ABLIM2: variants seen among roughly 807,000 people sequenced by gnomAD.
ABLIM2 encodes the protein actin-binding LIM protein 2.
ABLIM2 carries 53 observed loss-of-function variants against 97.7 expected under a neutral mutation model. The observed-to-expected ratio is 0.54, with a 90% confidence interval of 0.44 to 0.68. The LOEUF is 0.68. Ranked by LOEUF, ABLIM2 falls within the 30% of genes least tolerant of loss-of-function variation. The pLI is 0.00. For synonymous variants in ABLIM2, 361 were observed against 345.8 expected (o/e 1.04, Z -0.49); for missense variants, 835 against 867.2 (o/e 0.96, Z 0.47).
At position 8,128,346 on chromosome 4, in the gene ABLIM2, C is replaced by A. The variant is rs528728900; in HGVS notation, c.11-21709G>T. Among the ~76,000 whole-genome samples, 1 of 152,180 alleles carries A rather than the reference C, an allele frequency of 6.6e-6. No individual in the cohort carries two copies. Among genetic ancestry groups the A allele is most frequent in the Non-Finnish European group, 1.5e-5 (1 of 68,034 alleles). ...CAGAGCTTCCAGGTGGGTGGGGCCA[C>A]AAGAAGACGTGTCTCTATCTAGCGA... On this transcript the variant is annotated intron_variant, in intron 1 of 20. Transcript: ENST00000447017. This position sits in a 1 kb window ranked among gnomAD's most constrained non-coding sequence, Gnocchi z 4.9.
At chr4:8,051,575 A>AAG (rs1554010844) in intron 8 of ABLIM2, among the ~76,000 whole-genome samples, 3 of 151,570 alleles carry the variant, frequency 2.0e-5, no homozygotes, top group South Asian at 4.2e-4. Flanking sequence ...AAAAAAAAAA[A>AAG]AAAAGAAAAG....
chr4:8,109,177 T>A (rs1307686410), intron 1 of ABLIM2, among the ~76,000 whole-genome samples: 3 of 151,706 alleles, frequency 2.0e-5, no homozygotes, highest in South Asian at 2.1e-4. Context: ...TCTTCTGGTC[T>A]GCCTGGCGTA....
intron 20 of ABLIM2, among the ~76,000 whole-genome samples, chr4:7,969,729 T>TCACACA (rs1351667526): frequency 2.0e-5 from 1 of 49,626 alleles, no homozygotes; most frequent in Non-Finnish European, 3.5e-5. Flanking sequence ...TCTCTCTCTC[T>TCACACA]GACACACACA....
chr4:8,158,599 C>T, intron 1 of ABLIM2, 81 bp downstream of exon 1: 2 of 1,469,266 alleles, frequency 1.4e-6, no homozygotes, highest in Non-Finnish European at 1.8e-6. Context: ...GTTGCAGGTG[C>T]AGCCTCCGAA....
At chr4:8,143,403 G>T (rs13435724) in intron 1 of ABLIM2, among the ~76,000 whole-genome samples, 1 of 152,160 alleles carries the variant, frequency 6.6e-6, no homozygotes, top group Non-Finnish European at 1.5e-5. Context: ...ACAAAAGGCA[G>T]ATAGCACTGT....
intron 2 of ABLIM2, among the ~76,000 whole-genome samples, chr4:8,101,434 G>C (rs1371151538): frequency 6.6e-6 from 1 of 152,230 alleles, no homozygotes; most frequent in Non-Finnish European, 1.5e-5. Flanking sequence ...TGGAGGCCCA[G>C]GGCTGTTTCT....
At position 7,983,351 on chromosome 4, in the gene ABLIM2, G is replaced by T. The variant is rs1253283290; in HGVS notation, c.1744-7C>A. 1.2e-6 allele frequency: 2 copies of T among 1,610,570 alleles called. No homozygotes were observed. Among genetic ancestry groups the T allele is most frequent in the Non-Finnish European group, 1.7e-6 (2 of 1,178,774 alleles). On this transcript the variant is annotated splice_polypyrimidine_tract_variant and splice_region_variant and intron_variant, in intron 19 of 20. Coordinates refer to ENST00000447017, the MANE Select transcript of ABLIM2 (RefSeq NM_001130083.2). Reference sequence around the variant, plus strand: ...GGGAGTCATACGGATAGATCTGTTGGGGGAGGAAACCACAGGGTCACCTCA... The same window carrying T: ...GGGAGTCATACGGATAGATCTGTTGTGGGAGGAAACCACAGGGTCACCTCA...
At position 8,071,820 on chromosome 4, in the gene ABLIM2, C is replaced by T. The variant is rs937738406; in HGVS notation, c.675+5808G>A. ...CAGTCTGACGGCCCTGCTTGAGTGC[C>T]GTGCTCCCTGGAACGTGTGCCTGCG... On this transcript the variant is annotated intron_variant, in intron 6 of 20. Coordinates refer to ENST00000447017, the MANE Select transcript of ABLIM2 (RefSeq NM_001130083.2). This position sits in a 1 kb window ranked among gnomAD's most constrained non-coding sequence, Gnocchi z 6.2. 21 of 985,294 alleles carry T rather than the reference C, an allele frequency of 2.1e-5. No individual in the cohort carries two copies. The highest frequency in any genetic ancestry group is 2.4e-5 in the Non-Finnish European group (20 of 829,970). The allele number at this position is 985,294 out of a possible 1,614,324, so 61.0% of individuals were successfully genotyped here.
At chr4:8,098,852 T>C (rs933436710) in intron 2 of ABLIM2, among the ~76,000 whole-genome samples, 1 of 152,210 alleles carries the variant, frequency 6.6e-6, no homozygotes, top group African/African-American at 2.4e-5. Flanking sequence ...TGGCTGCTGC[T>C]CTAATGGCTG....
At position 8,150,720 on chromosome 4, in the gene ABLIM2, G is replaced by A. The variant is rs538750173; in HGVS notation, c.10+7960C>T. Among the ~76,000 whole-genome samples the A allele has an allele frequency of 1.9e-3, 288 of 152,312 alleles. 2 individuals are homozygous for A. Among genetic ancestry groups the A allele is most frequent in the African/African-American group, 6.6e-3 (273 of 41,570 alleles). On this transcript the variant is annotated intron_variant, in intron 1 of 20. Transcript: ENST00000447017. This position sits in a 1 kb window ranked among gnomAD's most constrained non-coding sequence, Gnocchi z 6.3. Reference sequence around the variant, plus strand: ...TGACTCAAGACACCACGCCTCCTGAGGATGCTGTGCCGAGAAAACCGGGAG... The same window carrying A: ...TGACTCAAGACACCACGCCTCCTGAAGATGCTGTGCCGAGAAAACCGGGAG...
chr4:8,114,851 A>T (rs965866248), intron 1 of ABLIM2, among the ~76,000 whole-genome samples: 4 of 152,216 alleles, frequency 2.6e-5, no homozygotes, highest in Non-Finnish European at 4.4e-5. Context: ...AGCACACAGG[A>T]AGCTCATGGT....
intron 9 of ABLIM2, among the ~76,000 whole-genome samples, chr4:8,037,302 A>T (rs75827970): frequency 6.6e-6 from 1 of 151,710 alleles, no homozygotes; most frequent in Admixed American, 6.6e-5. Context: ...ATGCACACAC[A>T]CACGCACATG....
In ABLIM2 at chr4:8,125,558, T is replaced by G. The variant is rs1847496111; in HGVS notation, c.11-18921A>C. Among the ~76,000 whole-genome samples, 1 of 152,224 alleles carries G rather than the reference T, an allele frequency of 6.6e-6. No individual in the cohort carries two copies. Among genetic ancestry groups the G allele is most frequent in the Non-Finnish European group, 1.5e-5 (1 of 68,032 alleles). The stretch of plus-strand genomic sequence containing the variant: ...TCTGGTCCATCTACCACAGTCGATC[T>G]GCAGTGCTGATGGCCACAGGTTTGC... On this transcript the variant is annotated intron_variant, in intron 1 of 20. Transcript: ENST00000447017. The surrounding 1 kb of genome is among the most constrained non-coding windows in gnomAD (Gnocchi z 6.2).
At chr4:8,136,062 C>T (rs1394207559) in intron 1 of ABLIM2, among the ~76,000 whole-genome samples, 8 of 152,206 alleles carry the variant, frequency 5.3e-5, no homozygotes. Context: ...TCCTTGCATC[C>T]ATAGACATGA....
Position 8,033,534 on chromosome 4 carries a change from C to T in ABLIM2, c.1047+2615G>A, listed in dbSNP as rs2151334003. On this transcript the variant is annotated intron_variant, in intron 10 of 20. Coordinates refer to ENST00000447017, the MANE Select transcript of ABLIM2 (RefSeq NM_001130083.2). The surrounding 1 kb of genome is among the most constrained non-coding windows in gnomAD (Gnocchi z 4.5). ...CCTGACCCAGGAGCCCAGCCCTGTC[C>T]ACCTGCCGAGGCAGGCCCCATGGGG... Among the ~76,000 whole-genome samples the T allele has an allele frequency of 1.3e-5, 2 of 152,338 alleles. No homozygotes were observed. Among genetic ancestry groups the T allele is most frequent in the East Asian group, 3.9e-4 (2 of 5,176 alleles).
At chr4:7,989,533 T>G in intron 17 of ABLIM2, 3 of 563,708 alleles carry the variant, frequency 5.3e-6, no homozygotes, top group Non-Finnish European at 6.7e-6. Context: ...ATTAGTGTTC[T>G]CCTTTTATAC....
At position 7,986,966 on chromosome 4, in the gene ABLIM2, C is replaced by T. The variant is rs114281719; in HGVS notation, c.1681-2073G>A. 0.04 allele frequency among the ~76,000 whole-genome samples: 6,124 copies of T among 151,644 alleles called. 240 individuals are homozygous for T. Among genetic ancestry groups the T allele is most frequent in the African/African-American group, 0.1 (4,173 of 41,342 alleles). ...GATTATAGGCATAAGCCACTGCGCC[C>T]GGTCATGCAAATAATTTTTAATTTT... is the stretch of plus-strand genomic sequence containing the variant. On this transcript the variant is annotated intron_variant, in intron 17 of 20. Transcript: ENST00000447017. This position sits in a 1 kb window ranked among gnomAD's most constrained non-coding sequence, Gnocchi z 4.3.
At position 8,061,321 on chromosome 4, in the gene ABLIM2, C is replaced by T. The variant is rs963512900; in HGVS notation, c.676-267G>A. On this transcript the variant is annotated intron_variant, in intron 6 of 20. Coordinates refer to ENST00000447017, the MANE Select transcript of ABLIM2 (RefSeq NM_001130083.2). The surrounding 1 kb of genome is among the most constrained non-coding windows in gnomAD (Gnocchi z 4.5). ...AGGAGCCCAGCATGCAGCTCCCTGC[C>T]GGGGTAGTCCAGGAGGGGTCAGCCT... Among the ~76,000 whole-genome samples the T allele has an allele frequency of 9.2e-5, 14 of 151,984 alleles. No homozygotes were observed. The highest frequency in any genetic ancestry group is 2.2e-4 in the African/African-American group (9 of 41,394).
rs16841545 is a variant in ABLIM2 at position 8,005,528 on chromosome 4, C to G, written c.1618+2531G>C. 2,602 of 502,396 alleles carry G rather than the reference C, an allele frequency of 5.2e-3. 56 individuals are homozygous for G. Among genetic ancestry groups the G allele is most frequent in the African/African-American group, 0.046 (2,361 of 51,540 alleles). The allele number at this position is 502,396 out of a possible 1,614,324, so 31.1% of individuals were successfully genotyped here. A position where few individuals can be genotyped will look rare whatever the true frequency, so the allele number is the denominator to read the frequency against. Reference sequence around the variant, plus strand: ...CCCACGGACTCAGGTCTGGGGGCTACTTGGTGACAATCAAAAGAACCCCGA... The same window carrying G: ...CCCACGGACTCAGGTCTGGGGGCTAGTTGGTGACAATCAAAAGAACCCCGA... On this transcript the variant is annotated intron_variant, in intron 16 of 20. Coordinates refer to ENST00000447017, the MANE Select transcript of ABLIM2 (RefSeq NM_001130083.2). This position sits in a 1 kb window ranked among gnomAD's most constrained non-coding sequence, Gnocchi z 4.9.
Sources: gnomAD v4.1 joint callset for allele counts (sites outside exome capture counted in the v4.1 genomes callset) on GRCh38, gnomAD v4.1.1 for gene constraint, Gnocchi (gnomAD v3.1) non-coding constraint, MANE v1.5 for transcripts, NCBI Gene and HGNC (gene_info 2026-07-23, HGNC 2026-07-21) for gene names.